The following CSNK1G1 variants were observed in gnomAD, a reference collection of about 807,000 sequenced individuals.
CSNK1G1 encodes casein kinase I isoform gamma-1.
In CSNK1G1, 22 loss-of-function variants were observed where a neutral mutation model predicts 59.6. The observed-to-expected ratio is 0.37, with a 90% CI of 0.26 to 0.53. The LOEUF (loss-of-function observed/expected upper bound fraction) is 0.53. Ranked by LOEUF, CSNK1G1 falls within the 20% of genes least tolerant of loss-of-function variation. CSNK1G1 has a pLI of 0.89. For synonymous variants in CSNK1G1, 179 were observed against 177.1 expected (o/e 1.01, Z -0.08); for missense variants, 384 against 519.5 (o/e 0.74, Z 2.54).
intron 1 of CSNK1G1, among the ~76,000 whole-genome samples, chr15:64,351,765 G>C (rs1428274197): frequency 1.3e-5 from 2 of 152,144 alleles, no homozygotes; most frequent in African/African-American, 4.8e-5. Context: ...TGTAATCCCA[G>C]CTAATCGGGA....
chr15:64,314,299 G>C (rs1485426323), intron 1 of CSNK1G1, among the ~76,000 whole-genome samples: 1 of 152,110 alleles, frequency 6.6e-6, no homozygotes, highest in African/African-American at 2.4e-5. Flanking sequence ...GTTTTAGATA[G>C]AGGGGTGGGA....
intron 1 of CSNK1G1, among the ~76,000 whole-genome samples, chr15:64,338,038 G>T (rs1051746453): frequency 6.6e-6 from 1 of 152,156 alleles, no homozygotes; most frequent in Admixed American, 6.6e-5. Context: ...CGCTTGGTTG[G>T]CTATTATGAA....
rs1374578229 is a variant in CSNK1G1 at position 64,188,199 on chromosome 15, A to C, written c.1108-7745T>G. Among the ~76,000 whole-genome samples, 1 of 152,226 alleles carries C rather than the reference A, an allele frequency of 6.6e-6. No individual in the cohort carries two copies. Among genetic ancestry groups the C allele is most frequent in the East Asian group, 1.9e-4 (1 of 5,206 alleles). On this transcript the variant is annotated intron_variant, in intron 10 of 11. Transcript: ENST00000303052. This position sits in a 1 kb window ranked among gnomAD's most constrained non-coding sequence, Gnocchi z 4.2. ...TTCTTAGTCAATGACAACAGGAAGT[A>C]ATCATTTTAACAAGCGACTCTTACC...
chr15:64,333,064 C>A (rs995750377), intron 1 of CSNK1G1, among the ~76,000 whole-genome samples: 2 of 151,542 alleles, frequency 1.3e-5, no homozygotes, highest in Non-Finnish European at 2.9e-5. Context: ...CAAGACCAGC[C>A]TAGCCAACAT....
intron 1 of CSNK1G1, among the ~76,000 whole-genome samples, chr15:64,303,916 CAAA>C (rs66651513): frequency 3.9e-4 from 37 of 95,168 alleles, no homozygotes; most frequent in Admixed American, 5.9e-4. Context: ...AGGCCCTGTC[CAAA>C]AAAAAAAAAA....
intron 2 of CSNK1G1, among the ~76,000 whole-genome samples, chr15:64,262,397 G>C (rs930695011): frequency 3.3e-5 from 5 of 152,210 alleles, no homozygotes; most frequent in East Asian, 1.9e-4. Context: ...GAACAGAGGA[G>C]AGAATAAAAG....
intron 4 of CSNK1G1, among the ~76,000 whole-genome samples, chr15:64,245,897 A>G (rs150677201): frequency 6.6e-6 from 1 of 152,202 alleles, no homozygotes; most frequent in African/African-American, 2.4e-5. Context: ...TGAAAACTTA[A>G]AAAGTTGATC....
At position 64,266,156 on chromosome 15, in the gene CSNK1G1, G is replaced by A. The variant is rs573330682; in HGVS notation, c.182-6915C>T. Among the ~76,000 whole-genome samples the A allele has an allele frequency of 1.4e-4, 22 of 151,960 alleles. No homozygotes were observed. The South Asian group carries it at 4.2e-3, about 29-fold the overall frequency. ...CGGCTCAATGCAAACTCTGCCTACC[G>A]GGTTCAAGCAATTCTCCTGCCTCAG... On this transcript the variant is annotated intron_variant, in intron 2 of 11. Transcript: ENST00000303052.
chr15:64,243,720 C>T (rs1053440834), intron 4 of CSNK1G1, among the ~76,000 whole-genome samples: 1 of 152,086 alleles, frequency 6.6e-6, no homozygotes, highest in Non-Finnish European at 1.5e-5. Flanking sequence ...ACAAAAGCAA[C>T]ATGCAAAAAT....
intron 1 of CSNK1G1, among the ~76,000 whole-genome samples, chr15:64,322,402 T>C (rs911586798): frequency 1.3e-5 from 2 of 152,026 alleles, no homozygotes; most frequent in African/African-American, 4.8e-5. Context: ...AAGGTCTTAC[T>C]ACATTGCCCA....
chr15:64,322,322 G>A (rs570583805), intron 1 of CSNK1G1, among the ~76,000 whole-genome samples: 1 of 152,128 alleles, frequency 6.6e-6, no homozygotes, highest in South Asian at 2.1e-4. Context: ...ATTGGTACAT[G>A]CAAGCAAAAC....
At chr15:64,276,884 T>A (rs1893650549) in intron 2 of CSNK1G1, among the ~76,000 whole-genome samples, 1 of 150,756 alleles carries the variant, frequency 6.6e-6, no homozygotes, top group South Asian at 2.1e-4. Flanking sequence ...GAGGCAGAGC[T>A]TGCAGTGAGC....
chr15:64,278,404 GTGTGTGTGTGTGTGTA>G (rs1420598858), intron 2 of CSNK1G1, among the ~76,000 whole-genome samples: 10 of 129,596 alleles, frequency 7.7e-5, no homozygotes, highest in African/African-American at 2.7e-4. Flanking sequence ...GTGTGTGTGT[GTGTGTGTGTGTGTGTA>G]TATATATATA....
At chr15:64,218,290 T>A (rs1282840753) in intron 4 of CSNK1G1, among the ~76,000 whole-genome samples, 1 of 152,156 alleles carries the variant, frequency 6.6e-6, no homozygotes, top group Non-Finnish European at 1.5e-5. Flanking sequence ...TATAGACAGA[T>A]GTACATCTAA....
At chr15:64,267,863 C>T (rs1893068903) in intron 2 of CSNK1G1, among the ~76,000 whole-genome samples, 1 of 152,138 alleles carries the variant, frequency 6.6e-6, no homozygotes, top group Admixed American at 6.5e-5. Context: ...GCCTGTAGTT[C>T]CAACACTTTG....
chr15:64,233,433 A>T (rs917648470), intron 4 of CSNK1G1, among the ~76,000 whole-genome samples: 2 of 152,132 alleles, frequency 1.3e-5, no homozygotes, highest in Non-Finnish European at 2.9e-5. Flanking sequence ...ATTAAAGGCA[A>T]TTACTCTATG....
At position 64,216,540 on chromosome 15, in the gene CSNK1G1, T is replaced by C. The variant is rs1173753521; in HGVS notation, c.444+22A>G. The C allele has an allele frequency of 6.2e-7, 1 of 1,612,784 alleles. No homozygotes were observed. The highest frequency in any genetic ancestry group is 8.5e-7 in the Non-Finnish European group (1 of 1,179,064). ...GCTGAGGAACCAGCTTATTCTCTTC[T>C]AGAAGAGCAATTCCAACTTACCAGC... On this transcript the variant is annotated intron_variant, in intron 5 of 11. Coordinates refer to ENST00000303052, the MANE Select transcript of CSNK1G1 (RefSeq NM_022048.5). The surrounding 1 kb of genome is among the most constrained non-coding windows in gnomAD (Gnocchi z 4.6).
chr15:64,275,877 TGA>T (rs1233145253), intron 2 of CSNK1G1, among the ~76,000 whole-genome samples: 1 of 152,200 alleles, frequency 6.6e-6, no homozygotes, highest in Non-Finnish European at 1.5e-5. Context: ...TTTTTTAGTG[TGA>T]GTTATGATCA....
intron 2 of CSNK1G1, among the ~76,000 whole-genome samples, chr15:64,275,092 G>A (rs1893531697): frequency 6.6e-6 from 1 of 152,182 alleles, no homozygotes; most frequent in African/African-American, 2.4e-5. Context: ...GCCCAGGCTG[G>A]AGTGCAGTGG....
Sources: gnomAD v4.1 joint callset for allele counts (sites outside exome capture counted in the v4.1 genomes callset) on GRCh38, gnomAD v4.1.1 for gene constraint, Gnocchi (gnomAD v3.1) non-coding constraint, MANE v1.5 for transcripts, NCBI Gene and HGNC (gene_info 2026-07-23, HGNC 2026-07-21) for gene names.